Variants in HERC3 observed in about 807,000 individuals in gnomAD.
The protein encoded by HERC3 is HECT and RLD domain containing E3 ubiquitin protein ligase 3.
A neutral mutation model predicts 129.9 loss-of-function variants in HERC3; 58 were observed. The observed-to-expected ratio is 0.45, with a 90% CI of 0.36 to 0.56. The LOEUF is 0.56. Among genes scored for constraint, HERC3 ranks in the 20% least tolerant of loss-of-function variants. The pLI is 0.00. For synonymous variants in HERC3, 430 were observed against 451.0 expected, an observed-to-expected ratio of 0.95 and a Z score of 0.59; for missense variants, 835 against 1,244.2, an observed-to-expected ratio of 0.67 and a Z score of 4.95.
At chr4:88,627,140 CTTCT>C (rs1726189054) in intron 3 of HERC3, among the ~76,000 whole-genome samples, 1 of 151,590 alleles carries the variant, frequency 6.6e-6, no homozygotes, top group African/African-American at 2.4e-5. Flanking sequence ...TGTATGATTT[CTTCT>C]TTGACACATG....
chr4:88,558,967 CAA>C, the HERC3 span, among the ~76,000 whole-genome samples: 23,107 of 111,704 alleles, frequency 0.21, 1,898 homozygotes, highest in Admixed American at 0.31. Flanking sequence ...GACTCTGTCT[CAA>C]AAAAAAAAAA....
At chr4:88,627,376 T>C (rs1726215634) in intron 3 of HERC3, among the ~76,000 whole-genome samples, 1 of 152,150 alleles carries the variant, frequency 6.6e-6, no homozygotes, top group South Asian at 2.1e-4. Flanking sequence ...AATATACTAT[T>C]GTTATTTATA....
At chr4:88,662,790 T>C (rs909061033) in intron 11 of HERC3, among the ~76,000 whole-genome samples, 1 of 152,164 alleles carries the variant, frequency 6.6e-6, no homozygotes, top group African/African-American at 2.4e-5. Flanking sequence ...CTGCCTTGTT[T>C]ATTGTATGAT....
intron 23 of HERC3, chr4:88,690,749 CTTTCT>C (rs1733991687): frequency 3.1e-6 from 1 of 318,066 alleles, no homozygotes; most frequent in African/African-American, 2.2e-5. Flanking sequence ...TTTTTGTTCT[CTTTCT>C]GAGTCTGAAT....
intron 16 of HERC3, among the ~76,000 whole-genome samples, chr4:88,673,603 T>A (rs1213936215): frequency 6.6e-6 from 1 of 152,144 alleles, no homozygotes; most frequent in Non-Finnish European, 1.5e-5. Flanking sequence ...CAGGAGATAA[T>A]CATGTATCTT....
At chr4:88,701,962 C>T (rs955520955) in intron 23 of HERC3, among the ~76,000 whole-genome samples, 1 of 152,066 alleles carries the variant, frequency 6.6e-6, no homozygotes, top group Non-Finnish European at 1.5e-5. Context: ...ACCACCAGGC[C>T]TGGCTAATTT....
the HERC3 span, among the ~76,000 whole-genome samples, chr4:88,544,112 C>T: frequency 6.6e-6 from 1 of 152,190 alleles, no homozygotes; most frequent in East Asian, 1.9e-4. Context: ...GCAAAAGTAA[C>T]TCTCATCAGA....
At chr4:88,653,224 C>T (rs1385036346) in intron 6 of HERC3, 134 bp downstream of exon 6, 30 of 847,748 alleles carry the variant, frequency 3.5e-5, no homozygotes, top group Non-Finnish European at 5.2e-5. Flanking sequence ...AGAGAACATC[C>T]TCGTCTTAGT....
intron 23 of HERC3, among the ~76,000 whole-genome samples, chr4:88,695,073 C>G (rs189959675): frequency 6.6e-6 from 1 of 152,270 alleles, no homozygotes. Context: ...GATAGTCTCT[C>G]TCATTCCTGG....
chr4:88,598,307 GA>G (rs1560655923), intron 2 of HERC3, among the ~76,000 whole-genome samples: 37 of 152,158 alleles, frequency 2.4e-4, no homozygotes, highest in Non-Finnish European at 4.7e-4. Flanking sequence ...CTAGTAAAAA[GA>G]GATTTATCTC....
At chr4:88,604,736 T>A (rs1723427061) in intron 2 of HERC3, among the ~76,000 whole-genome samples, 1 of 152,268 alleles carries the variant, frequency 6.6e-6, no homozygotes, top group South Asian at 2.1e-4. Flanking sequence ...TTTATAAGTT[T>A]TTGTGTGGAC....
At chr4:88,562,484 T>C in the HERC3 span, among the ~76,000 whole-genome samples, 2 of 152,192 alleles carry the variant, frequency 1.3e-5, no homozygotes, top group Non-Finnish European at 2.9e-5. Context: ...TTGTATCCTT[T>C]GCTGTGCATT....
At chr4:88,544,947 T>C in the HERC3 span, among the ~76,000 whole-genome samples, 16 of 152,216 alleles carry the variant, frequency 1.1e-4, no homozygotes, top group East Asian at 2.9e-3. Flanking sequence ...AAATACCTAA[T>C]GTAAATGACG....
At chr4:88,652,189 T>A (rs909400212) in intron 5 of HERC3, 101 bp downstream of exon 5, 4 of 874,834 alleles carry the variant, frequency 4.6e-6, no homozygotes, top group Non-Finnish European at 7.6e-6. Flanking sequence ...TTGAATTAAC[T>A]GGTTAGGGTC....
At chr4:88,610,773 A>G (rs1724227500) in intron 3 of HERC3, among the ~76,000 whole-genome samples, 1 of 152,234 alleles carries the variant, frequency 6.6e-6, no homozygotes, top group Non-Finnish European at 1.5e-5. Context: ...CAATGATAGC[A>G]AAGATCTGTA....
chr4:88,600,466 T>C (rs1722856954), intron 2 of HERC3, among the ~76,000 whole-genome samples: 1 of 152,242 alleles, frequency 6.6e-6, no homozygotes, highest in Admixed American at 6.5e-5. Flanking sequence ...CTTACTAATA[T>C]ACACAATATT....
intron 23 of HERC3, among the ~76,000 whole-genome samples, chr4:88,699,537 G>A (rs1017467576): frequency 1.0e-4 from 15 of 149,432 alleles, no homozygotes; most frequent in Non-Finnish European, 2.2e-4. Context: ...CAGCTGCCTT[G>A]AGATTAGGAA....
chr4:88,659,346 G>A (rs568551382), intron 10 of HERC3, among the ~76,000 whole-genome samples: 1 of 152,328 alleles, frequency 6.6e-6, no homozygotes, highest in South Asian at 2.1e-4. Flanking sequence ...GAAACCAGGG[G>A]CTCTTTCTGT....
At position 88,689,732 on chromosome 4, in the gene HERC3, C is replaced by T. The variant is rs561837007; in HGVS notation, c.2657+2433C>T. ...AACTAGGATTACAGGCGTGTACCAC[C>T]ATGCCTGGCTAATTTTTGTATTTTT... On this transcript the variant is annotated intron_variant, in intron 23 of 25. Coordinates refer to ENST00000402738, the MANE Select transcript of HERC3 (RefSeq NM_014606.3). 1.4e-3 allele frequency among the ~76,000 whole-genome samples: 215 copies of T among 152,176 alleles called. 1 individual carries two copies. The highest frequency in any genetic ancestry group is 5.0e-3 in the African/African-American group (207 of 41,522).
Sources: allele counts gnomAD v4.1 joint callset (sites outside exome capture counted in the v4.1 genomes callset), GRCh38; gene constraint gnomAD v4.1.1; transcripts MANE v1.5; gene names NCBI Gene and HGNC (gene_info 2026-07-23, HGNC 2026-07-21).